The following GABRG1 variants were observed in gnomAD, a reference collection of about 807,000 sequenced individuals.
GABRG1 encodes the protein gamma-aminobutyric acid receptor subunit gamma-1.
A neutral mutation model predicts 49.8 loss-of-function variants in GABRG1; 49 were observed. The ratio of observed to expected loss-of-function variants is 0.98; its 90% CI spans 0.78 to 1.25. The LOEUF is 1.25. Among genes scored for constraint, GABRG1 ranks in the 50% most tolerant of loss-of-function variants. The probability of loss-of-function intolerance (pLI) is 0.00; values close to 1 mark genes in which losing one functional copy is unlikely to be tolerated. For synonymous variants in GABRG1, 232 were observed against 185.1 expected (o/e 1.25, Z -2.06); for missense variants, 552 against 552.3 (o/e 1.00, Z 0.01).
chr4:46,097,157 T>A (rs1315868637), intron 2 of GABRG1, 44 bp downstream of exon 2: 1 of 1,489,356 alleles, frequency 6.7e-7, no homozygotes. Context: ...AGTAATGATA[T>A]GTTTAATGGT....
At chr4:46,094,595 A>T (rs113775945) in intron 2 of GABRG1, among the ~76,000 whole-genome samples, 38 of 152,154 alleles carry the variant, frequency 2.5e-4, no homozygotes, top group African/African-American at 9.1e-4. Flanking sequence ...GGCCAAGAAA[A>T]ATGTCAAAAA....
At chr4:46,096,829 G>A (rs903018625) in intron 2 of GABRG1, among the ~76,000 whole-genome samples, 2 of 151,550 alleles carry the variant, frequency 1.3e-5, no homozygotes, top group Non-Finnish European at 3.0e-5. Context: ...AATATGGCAT[G>A]AAAAAGTATA....
intron 1 of GABRG1, among the ~76,000 whole-genome samples, chr4:46,116,173 T>A (rs1289670694): frequency 6.6e-6 from 1 of 150,952 alleles, no homozygotes; most frequent in African/African-American, 2.4e-5. Context: ...TCCAATGAAA[T>A]CTTCAGAAGG....
At position 46,058,218 on chromosome 4, in the gene GABRG1, C is replaced by T. The variant is rs1192164381; in HGVS notation, c.915G>A (p.Leu305=). Residue 305 remains leucine, a splice_region_variant and synonymous_variant, in exon 7 of 9, where the codon TTG becomes TTA. Coordinates refer to ENST00000295452, the MANE Select transcript of GABRG1 (RefSeq NM_173536.4). ...NKDAVPARTS[L]GITTVLTMTT... ...ATAGCATAATATTACATGTCATACC[C>T]AACGATGTTCTTGCAGGCACTGCAT... The T allele has an allele frequency of 2.5e-6, 4 of 1,609,848 alleles. No homozygotes were observed. In the African/African-American group the frequency reaches 4.0e-5, roughly 16 times the overall value.
intron 1 of GABRG1, among the ~76,000 whole-genome samples, chr4:46,114,798 T>G (rs75025317): frequency 2.0e-5 from 3 of 150,892 alleles, no homozygotes; most frequent in Non-Finnish European, 4.5e-5. Context: ...TTAAAAAACA[T>G]ACTAACTTTC....
intron 5 of GABRG1, among the ~76,000 whole-genome samples, chr4:46,062,683 A>G (rs1718746133): frequency 6.6e-6 from 1 of 152,000 alleles, no homozygotes; most frequent in South Asian, 2.1e-4. Context: ...TCTTTTGAGA[A>G]GTGGAAATGA....
At position 46,091,292 on chromosome 4, in the gene GABRG1, G is replaced by A. The variant is rs182132951; in HGVS notation, c.253+5909C>T. On this transcript the variant is annotated intron_variant, in intron 2 of 8. Coordinates refer to ENST00000295452, the MANE Select transcript of GABRG1 (RefSeq NM_173536.4). ...GACAGTGATTTTCTTTACTCAACCT[G>A]ACTATCGAAACAAAATTAAGTCCTC... Among the ~76,000 whole-genome samples, 345 of 152,046 alleles carry A rather than the reference G, an allele frequency of 2.3e-3. 3 individuals carry two copies. The highest frequency in any genetic ancestry group is 3.7e-3 in the Non-Finnish European group (250 of 67,950).
chr4:46,121,406 C>G (rs920877499), intron 1 of GABRG1, among the ~76,000 whole-genome samples: 1 of 151,822 alleles, frequency 6.6e-6, no homozygotes, highest in Non-Finnish European at 1.5e-5. Context: ...ACTGTAGCTA[C>G]TTTATTTTAC....
At chr4:46,107,142 A>G (rs574168809) in intron 1 of GABRG1, among the ~76,000 whole-genome samples, 81 of 151,268 alleles carry the variant, frequency 5.4e-4, no homozygotes, top group Non-Finnish European at 1.1e-3. Flanking sequence ...GCTATGAAGT[A>G]GTAGGTTTTA....
Position 46,123,900 on chromosome 4 carries a change from T to A in GABRG1, c.14A>T (p.Lys5Ile). 1 of 1,613,472 alleles carries A rather than the reference T, an allele frequency of 6.2e-7. No homozygotes were observed. Among genetic ancestry groups the A allele is most frequent in the Non-Finnish European group, 8.5e-7 (1 of 1,179,660 alleles). ...AAGAAAAGGGGAGAAGAGAAAAGCT[T>A]TCAAAGGACCCATCGGAATCGCTTT... MGPL[K>I]AFLFSPFLLR... Residue 5 changes from lysine to isoleucine, a missense_variant, in exon 1 of 9, where the codon AAA becomes ATA. Transcript: ENST00000295452.
rs192503567 is a variant in GABRG1, at chr4:46,084,438, T to G, written c.254-385A>C. Among the ~76,000 whole-genome samples, 556 of 151,790 alleles carry G rather than the reference T, an allele frequency of 3.7e-3. 5 individuals are homozygous for G. The highest frequency in any genetic ancestry group is 0.013 in the African/African-American group (533 of 41,510). The stretch of plus-strand genomic sequence containing the variant: ...TGATTGACCAGGCAAGATGTATTTA[T>G]TCTTTTAATACACACACAAGTCTGG... On this transcript the variant is annotated intron_variant, in intron 2 of 8. Transcript: ENST00000295452.
rs182424531 is a variant in GABRG1 at position 46,107,247 on chromosome 4, A to G, written c.105-9898T>C. 4.6e-3 allele frequency among the ~76,000 whole-genome samples: 697 copies of G among 151,210 alleles called. 2 individuals are homozygous for G. The highest frequency in any genetic ancestry group is 0.016 in the African/African-American group (642 of 41,380). ...GAATATTATTTTCTTTTCATTTGTC[A>G]TTAACTAGAAACTCATTATAGTTTG... On this transcript the variant is annotated intron_variant, in intron 1 of 8. Coordinates refer to ENST00000295452, the MANE Select transcript of GABRG1 (RefSeq NM_173536.4).
Position 46,123,931 on chromosome 4 carries a change from G to T in GABRG1, c.-18C>A. 6.3e-7 allele frequency: 1 copy of T among 1,582,948 alleles called. No homozygotes were observed. The highest frequency in any genetic ancestry group is 2.2e-5 in the East Asian group (1 of 44,564). On this transcript the variant is annotated 5_prime_UTR_variant, in exon 1 of 9. Coordinates refer to ENST00000295452, the MANE Select transcript of GABRG1 (RefSeq NM_173536.4). The stretch of plus-strand genomic sequence containing the variant: ...GGACCCATCGGAATCGCTTTTTTAC[G>T]TGTGCTGCACTAGCTCAATTCTCCC...
intron 2 of GABRG1, among the ~76,000 whole-genome samples, chr4:46,094,155 A>T (rs1045464994): frequency 6.6e-6 from 1 of 151,742 alleles, no homozygotes; most frequent in African/African-American, 2.4e-5. Flanking sequence ...CTGTGTCTTC[A>T]TCTCCCAATA....
chr4:46,076,506 A>C (rs1002226889), intron 3 of GABRG1, among the ~76,000 whole-genome samples: 1 of 150,814 alleles, frequency 6.6e-6, no homozygotes, highest in African/African-American at 2.4e-5. Flanking sequence ...AAGGTGTAAA[A>C]AATTAGGAAT....
In GABRG1 at chr4:46,084,021, C is replaced by T; in HGVS notation, c.286G>A (p.Val96Ile). The T allele has an allele frequency of 6.3e-7, 1 of 1,584,892 alleles. No individual in the cohort carries two copies. Among genetic ancestry groups the T allele is most frequent in the Admixed American group, 1.7e-5 (1 of 58,494 alleles). Reference sequence around the variant, plus strand: ...GGATCAACTGGTCCAATGCTGTTTACATAAACATCAGTTTCAATTACTGTG... The same window carrying T: ...GGATCAACTGGTCCAATGCTGTTTATATAAACATCAGTTTCAATTACTGTG... ...RPTVIETDVY[V>I]NSIGPVDPIN... is the part of the protein sequence containing the mutation. Residue 96 changes from valine to isoleucine, a missense_variant, in exon 3 of 9, where the codon GTA becomes ATA. Val to Ile is a conservative substitution (Grantham distance 29, BLOSUM62 3). Transcript: ENST00000295452.
intron 2 of GABRG1, 88 bp downstream of exon 2, chr4:46,097,113 T>A: frequency 8.5e-7 from 1 of 1,172,076 alleles, no homozygotes; most frequent in Admixed American, 2.8e-5. Context: ...CATCAGACAC[T>A]CAAGGAATAA....
intron 2 of GABRG1, among the ~76,000 whole-genome samples, chr4:46,087,285 C>T (rs571219807): frequency 4.0e-4 from 61 of 151,542 alleles, no homozygotes; most frequent in Middle Eastern, 6.8e-3. Flanking sequence ...TCTGTGAATA[C>T]GTTATTGAGA....
At position 46,039,192 on chromosome 4, in the gene GABRG1, G is replaced by A. The variant is rs1211395653; in HGVS notation, c.*1796C>T. 2.6e-5 allele frequency: 4 copies of A among 151,454 alleles called. No homozygotes were observed. Among genetic ancestry groups the A allele is most frequent in the Non-Finnish European group, 4.4e-5 (3 of 67,666 alleles). 9.4% of individuals were successfully genotyped at this position (151,454 alleles called of 1,614,324 possible). ...CTCAATGTTATTAAAATGAATGTAT[G>A]AATAATCTGTAAATGAATATATAGA... is the stretch of plus-strand genomic sequence containing the variant. On this transcript the variant is annotated 3_prime_UTR_variant, in exon 9 of 9. Coordinates refer to ENST00000295452, the MANE Select transcript of GABRG1 (RefSeq NM_173536.4).
Sources: gnomAD v4.1 joint callset for allele counts (sites outside exome capture counted in the v4.1 genomes callset) on GRCh38, gnomAD v4.1.1 for gene constraint, MANE v1.5 for transcripts, NCBI Gene and HGNC (gene_info 2026-07-23, HGNC 2026-07-21) for gene names.